HNF1B: variants seen among roughly 807,000 people sequenced by gnomAD.
The protein encoded by HNF1B is HNF1 homeobox B, also known as hepatocyte nuclear factor 1-beta.
Under a neutral mutation model 61.7 loss-of-function variants are expected in HNF1B, and 8 were observed. That is an observed-to-expected ratio of 0.13 (90% CI 0.08 to 0.23). The LOEUF (loss-of-function observed/expected upper bound fraction) is 0.23, where lower values mean the gene tolerates loss of function less well. HNF1B is among the 10% of genes least tolerant of loss of function. The pLI, the probability that HNF1B is intolerant of heterozygous loss-of-function variation, is 1.00. For missense variants in HNF1B, 562 were observed against 714.5 expected (o/e 0.79, Z 2.43); for synonymous variants, 314 against 287.7 (o/e 1.09, Z -0.93).
At chr17:37,727,145 C>T (rs972898541) in intron 4 of HNF1B, among the ~76,000 whole-genome samples, 1 of 152,196 alleles carries the variant, frequency 6.6e-6, no homozygotes, top group Non-Finnish European at 1.5e-5. Context: ...AAGCACCAGG[C>T]TCCAACCAGT....
intron 4 of HNF1B, among the ~76,000 whole-genome samples, chr17:37,722,493 A>G (rs2147511271): frequency 6.6e-6 from 1 of 152,342 alleles, no homozygotes; most frequent in East Asian, 1.9e-4. Flanking sequence ...ACCCAGACAC[A>G]CGCATCTGAA....
rs779375959 is a variant in HNF1B at position 37,733,706 on chromosome 17, A to T, written c.660T>A (p.Asp220Glu). 7 of 1,614,222 alleles carry T rather than the reference A, an allele frequency of 4.3e-6. No homozygotes were observed. The Middle Eastern group carries it at 4.9e-4, about 114-fold the overall frequency. ...TGTTGGTGGGCTCAGAGCAGGCATCATCGGACTGCCCAGGCCCATGGCTCT... is the reference window on the plus strand; with the variant it reads ...TGTTGGTGGGCTCAGAGCAGGCATCTTCGGACTGCCCAGGCCCATGGCTCT... Reference protein sequence around the residue: ...SQQSHGPGQSDDACSEPTNKK... With the variant: ...SQQSHGPGQSEDACSEPTNKK... The change falls in exon 3 of 9, where the codon GAT (aspartate) becomes GAA (glutamate). Residue 220 changes from aspartate to glutamate, a missense_variant. Physicochemically the swap from Asp to Glu is conservative, Grantham distance 45. Around this residue, in one of 6 missense-constraint regions of HNF1B, gnomAD observed 69 missense variants for 81.2 expected, o/e 0.85. Coordinates refer to ENST00000617811, the MANE Select transcript of HNF1B (RefSeq NM_000458.4).
intron 5 of HNF1B, among the ~76,000 whole-genome samples, chr17:37,708,029 A>T (rs2032809322): frequency 6.6e-6 from 1 of 152,176 alleles, no homozygotes; most frequent in Admixed American, 6.5e-5. Context: ...AGCAATCTTC[A>T]CACCAACCCT....
chr17:37,739,366 A>C, intron 2 of HNF1B, 74 bp downstream of exon 2: 1 of 1,394,502 alleles, frequency 7.2e-7, no homozygotes, highest in East Asian at 2.3e-5. Context: ...ATGAAAGGGA[A>C]ACTGAGGCAG....
At chr17:37,725,380 T>C (rs1012288615) in intron 4 of HNF1B, among the ~76,000 whole-genome samples, 2 of 152,200 alleles carry the variant, frequency 1.3e-5, no homozygotes, top group African/African-American at 4.8e-5. Context: ...CTGGTTTCTT[T>C]GTATGCAGAC....
chr17:37,689,657 C>T lies in HNF1B; in HGVS notation c.1654-2265G>A, dbSNP rs117499262. Among the ~76,000 whole-genome samples the T allele has an allele frequency of 2.4e-4, 37 of 152,312 alleles. No homozygotes were observed. In the East Asian group the frequency reaches 6.7e-3, roughly 28 times the overall value. On this transcript the variant is annotated intron_variant, in intron 8 of 8. Transcript: ENST00000617811. Reference sequence around the variant, plus strand: ...CTGGCCCAGAAGATCTCTGAGAGACCGCGGGGCCCTCCGTCTGAAAGGTGT... The same window carrying T: ...CTGGCCCAGAAGATCTCTGAGAGACTGCGGGGCCCTCCGTCTGAAAGGTGT...
intron 2 of HNF1B, among the ~76,000 whole-genome samples, chr17:37,737,678 A>G (rs868017742): frequency 0.011 from 1,726 of 151,086 alleles, 38 homozygotes; most frequent in African/African-American, 0.039. Flanking sequence ...TACCAAAAAA[A>G]AAAAAAATTA....
chr17:37,713,883 G>A (rs566367985), intron 4 of HNF1B, among the ~76,000 whole-genome samples: 2 of 152,322 alleles, frequency 1.3e-5, no homozygotes, highest in East Asian at 1.9e-4. Flanking sequence ...ATGAGGGGGC[G>A]GGGTGGGGGC....
rs1046672722 is a variant in HNF1B at position 37,733,899 on chromosome 17, G to C, written c.545-78C>G. The C allele has an allele frequency of 2.7e-6, 4 of 1,486,700 alleles. No homozygotes were observed. In the East Asian group the frequency reaches 9.0e-5, roughly 34 times the overall value. 92.1% of individuals were successfully genotyped at this position (1,486,700 alleles called of 1,614,324 possible). ...ACAGACAGACAGACAGACAGACAAC[G>C]GACGAAGACACCTTTATTCCCCTCG... On this transcript the variant is annotated intron_variant, in intron 2 of 8. Transcript: ENST00000617811.
intron 4 of HNF1B, chr17:37,731,305 C>T (rs986428533): frequency 1.1e-5 from 6 of 567,502 alleles, no homozygotes; most frequent in East Asian, 9.2e-5. Context: ...GTAGAATGAC[C>T]GCTGAGTCAG....
intron 4 of HNF1B, among the ~76,000 whole-genome samples, chr17:37,714,839 G>T (rs73982515): frequency 0.022 from 3,405 of 152,134 alleles, 119 homozygotes; most frequent in African/African-American, 0.078. Flanking sequence ...TCACACTGCT[G>T]CAGCCTGGGA....
At chr17:37,737,901 C>T (rs1384092918) in intron 2 of HNF1B, among the ~76,000 whole-genome samples, 1 of 152,164 alleles carries the variant, frequency 6.6e-6, no homozygotes, top group Non-Finnish European at 1.5e-5. Context: ...CTTGAAGAGG[C>T]TGTTGTATTT....
At chr17:37,691,124 C>T (rs2032188102) in intron 8 of HNF1B, among the ~76,000 whole-genome samples, 1 of 152,104 alleles carries the variant, frequency 6.6e-6, no homozygotes, top group South Asian at 2.1e-4. Flanking sequence ...TCAGCTGTGT[C>T]AGAGACAGAG....
At position 37,687,211 on chromosome 17, in the gene HNF1B, G is replaced by T; in HGVS notation, c.*161C>A. 8.7e-7 allele frequency: 1 copy of T among 1,155,424 alleles called. No homozygotes were observed. Among genetic ancestry groups the T allele is most frequent in the Non-Finnish European group, 1.3e-6 (1 of 787,472 alleles). The allele number at this position is 1,155,424 out of a possible 1,614,324, so 71.6% of individuals were successfully genotyped here. ...GGGCTTCGGGCTGCGCCTCCTGAGA[G>T]TGGATTGTCTGAGGTGCCAGCAGGA... On this transcript the variant is annotated 3_prime_UTR_variant, in exon 9 of 9. Transcript: ENST00000617811.
intron 4 of HNF1B, chr17:37,720,684 AT>A: frequency 1.6e-5 from 9 of 558,742 alleles, no homozygotes; most frequent in Non-Finnish European, 2.0e-5. Context: ...AGTGTCTACC[AT>A]GTGCCAGGCA....
intron 1 of HNF1B, among the ~76,000 whole-genome samples, chr17:37,742,896 C>T (rs1453220661): frequency 6.6e-6 from 1 of 151,662 alleles, no homozygotes; most frequent in Non-Finnish European, 1.5e-5. Context: ...AGCAGCCCCG[C>T]GCCCGCGTTT....
chr17:37,739,383 G>T, intron 2 of HNF1B, 57 bp downstream of exon 2: 1 of 1,511,404 alleles, frequency 6.6e-7, no homozygotes, highest in Non-Finnish European at 9.2e-7. Flanking sequence ...GCAGCCAATG[G>T]GGTGAGAGGG....
chr17:37,709,323 C>T (rs2032856442), intron 5 of HNF1B, among the ~76,000 whole-genome samples: 1 of 152,178 alleles, frequency 6.6e-6, no homozygotes, highest in Admixed American at 6.5e-5. Flanking sequence ...GGTGTGAGCT[C>T]ACTGCAACCT....
At chr17:37,731,956 G>A in intron 3 of HNF1B, 126 bp from the exon 4 acceptor site, 1 of 664,916 alleles carries the variant, frequency 1.5e-6, no homozygotes, top group Non-Finnish European at 2.6e-6. Flanking sequence ...CAGAATGGAA[G>A]GCTGGGGAGG....
Sources: gnomAD v4.1 joint callset for allele counts (sites outside exome capture counted in the v4.1 genomes callset) on GRCh38, gnomAD v4.1.1 for gene constraint, gnomAD v4.1.1 regional missense constraint, MANE v1.5 for transcripts, NCBI Gene and HGNC (gene_info 2026-07-23, HGNC 2026-07-21) for gene names.